ADAMTSL3: variants seen among roughly 807,000 people sequenced by gnomAD.
ADAMTSL3 encodes ADAMTS-like protein 3.
In ADAMTSL3, 128 loss-of-function variants were observed where a neutral mutation model predicts 201.7. That is an observed-to-expected ratio of 0.63 (90% confidence interval 0.55 to 0.73). The LOEUF is 0.73. ADAMTSL3 is among the 30% of genes least tolerant of loss of function. ADAMTSL3 has a pLI of 0.00. For missense variants in ADAMTSL3, 1,990 were observed against 2,119.6 expected (o/e 0.94, Z 1.20); for synonymous variants, 738 against 748.4 (o/e 0.99, Z 0.23).
chr15:83,790,107 C>G (rs1317300267), intron 4 of ADAMTSL3, among the ~76,000 whole-genome samples: 1 of 151,344 alleles, frequency 6.6e-6, no homozygotes, highest in East Asian at 1.9e-4. Flanking sequence ...AACTCTCTCT[C>G]CTCAATCTTA....
At chr15:83,832,115 A>T (rs1022576956) in intron 6 of ADAMTSL3, among the ~76,000 whole-genome samples, 2 of 152,186 alleles carry the variant, frequency 1.3e-5, no homozygotes, top group African/African-American at 2.4e-5. Flanking sequence ...GGGAATGGAC[A>T]GGAAGGTGAG....
At chr15:83,758,964 A>AT (rs1377112917) in intron 3 of ADAMTSL3, among the ~76,000 whole-genome samples, 3 of 151,800 alleles carry the variant, frequency 2.0e-5, no homozygotes, top group African/African-American at 4.8e-5. Flanking sequence ...TTCTTGGGTG[A>AT]TTTTTTTCTT....
chr15:83,901,093 A>G (rs187735917), intron 15 of ADAMTSL3, among the ~76,000 whole-genome samples: 1 of 152,294 alleles, frequency 6.6e-6, no homozygotes, highest in African/African-American at 2.4e-5. Context: ...TAGCTGGCAC[A>G]TCACACTCAT....
chr15:83,798,355 G>A (rs1383782556), intron 4 of ADAMTSL3, among the ~76,000 whole-genome samples: 2 of 152,176 alleles, frequency 1.3e-5, no homozygotes, highest in Non-Finnish European at 2.9e-5. Flanking sequence ...AATCAAATGT[G>A]TATATATGTA....
At chr15:83,666,681 A>T (rs555473476) in intron 2 of ADAMTSL3, among the ~76,000 whole-genome samples, 3 of 152,084 alleles carry the variant, frequency 2.0e-5, no homozygotes, top group Admixed American at 1.3e-4. Context: ...CCTACAACAG[A>T]TAAAGATAAA....
intron 23 of ADAMTSL3, among the ~76,000 whole-genome samples, chr15:83,994,396 G>A (rs2067638921): frequency 6.6e-6 from 1 of 152,086 alleles, no homozygotes; most frequent in Admixed American, 6.6e-5. Flanking sequence ...AACAATAAAT[G>A]CAGAAGCAAA....
chr15:83,750,341 G>A (rs1736695843), intron 3 of ADAMTSL3, among the ~76,000 whole-genome samples: 1 of 152,176 alleles, frequency 6.6e-6, no homozygotes, highest in African/African-American at 2.4e-5. Flanking sequence ...TGGCAGTAAA[G>A]AAATGAACCA....
At chr15:83,835,163 G>T (rs1010197199) in intron 6 of ADAMTSL3, among the ~76,000 whole-genome samples, 29 of 151,552 alleles carry the variant, frequency 1.9e-4, no homozygotes, top group African/African-American at 6.8e-4. Context: ...GAACCCAGGA[G>T]GCAGAGCTTG....
At chr15:83,768,074 A>G (rs780215682) in intron 3 of ADAMTSL3, among the ~76,000 whole-genome samples, 3 of 152,182 alleles carry the variant, frequency 2.0e-5, no homozygotes, top group Non-Finnish European at 4.4e-5. Flanking sequence ...AGTAGTGATG[A>G]ATGTTAAGTC....
intron 3 of ADAMTSL3, among the ~76,000 whole-genome samples, chr15:83,733,959 A>G (rs576143310): frequency 9.2e-5 from 14 of 152,294 alleles, no homozygotes; most frequent in African/African-American, 3.4e-4. Context: ...CGTATAAGGA[A>G]TAGACAATGC....
chr15:83,663,773 C>T (rs928195332), intron 2 of ADAMTSL3, among the ~76,000 whole-genome samples: 4 of 152,156 alleles, frequency 2.6e-5, no homozygotes, highest in Non-Finnish European at 5.9e-5. Flanking sequence ...ATGCAGACAC[C>T]GCTTTATTGC....
In ADAMTSL3 at chr15:83,801,667, T is replaced by TAAATATAA. The variant is rs1567154117; in HGVS notation, c.318-2982_318-2981insAATATAAA. ...ATAAATATAAATATATATATATATA[T>TAAATATAA]ATATATATATATATATATATATATA... On this transcript the variant is annotated intron_variant, in intron 4 of 29. Transcript: ENST00000286744. Among the ~76,000 whole-genome samples, 478 of 61,456 alleles carry TAAATATAA rather than the reference T, an allele frequency of 7.8e-3. 4 individuals are homozygous for TAAATATAA. Among genetic ancestry groups the TAAATATAA allele is most frequent in the African/African-American group, 0.022 (452 of 20,324 alleles). 40.3% of individuals were successfully genotyped at this position (61,456 alleles called of 152,430 possible). A position where few individuals can be genotyped will look rare whatever the true frequency, so the allele number is the denominator to read the frequency against.
At chr15:84,002,945 T>C (rs927617072) in intron 23 of ADAMTSL3, among the ~76,000 whole-genome samples, 32 of 145,440 alleles carry the variant, frequency 2.2e-4, no homozygotes, top group Non-Finnish European at 3.9e-4. Flanking sequence ...TCTTTTTTTT[T>C]TTTTTTTTTT....
At chr15:83,743,365 T>C (rs2062487664) in intron 3 of ADAMTSL3, among the ~76,000 whole-genome samples, 2 of 151,644 alleles carry the variant, frequency 1.3e-5, no homozygotes, top group African/African-American at 2.4e-5. Context: ...TACAAAAAAT[T>C]AGCCGGGCGC....
chr15:83,754,976 G>A (rs192904629), intron 3 of ADAMTSL3, among the ~76,000 whole-genome samples: 1 of 152,202 alleles, frequency 6.6e-6, no homozygotes, highest in East Asian at 1.9e-4. Context: ...TATTGGTTAT[G>A]TTATTATATA....
chr15:83,913,940 G>A (rs1203904412), intron 16 of ADAMTSL3, among the ~76,000 whole-genome samples: 1 of 152,136 alleles, frequency 6.6e-6, no homozygotes, highest in Non-Finnish European at 1.5e-5. Context: ...TTGGCCCCCT[G>A]ATGATTTATA....
intron 3 of ADAMTSL3, among the ~76,000 whole-genome samples, chr15:83,723,469 C>CT (rs1388335323): frequency 6.6e-6 from 1 of 152,024 alleles, no homozygotes; most frequent in African/African-American, 2.4e-5. Context: ...AGGGAATAGT[C>CT]TAAGTAAAAA....
intron 17 of ADAMTSL3, among the ~76,000 whole-genome samples, chr15:83,929,312 CG>C (rs1455009551): frequency 5.3e-5 from 8 of 152,140 alleles, no homozygotes; most frequent in African/African-American, 1.9e-4. Flanking sequence ...GTGTCCGCGG[CG>C]TTGATTCTTT....
At chr15:83,859,710 A>G (rs944695145) in intron 8 of ADAMTSL3, among the ~76,000 whole-genome samples, 3 of 152,174 alleles carry the variant, frequency 2.0e-5, no homozygotes, top group Non-Finnish European at 2.9e-5. Context: ...GGTACCCCCA[A>G]CTATTCTGTA....
Sources: allele counts gnomAD v4.1 joint callset (sites outside exome capture counted in the v4.1 genomes callset), GRCh38; gene constraint gnomAD v4.1.1; transcripts MANE v1.5; gene names NCBI Gene and HGNC (gene_info 2026-07-23, HGNC 2026-07-21).